Variants in RAD51D observed in about 807,000 individuals in gnomAD.
The protein encoded by RAD51D is DNA repair protein RAD51 homolog 4.
In RAD51D, 38 loss-of-function variants were observed where a neutral mutation model predicts 44.1. That is an observed-to-expected ratio of 0.86 (90% CI 0.67 to 1.13). The LOEUF is 1.13. Ranked by LOEUF, RAD51D falls within the 50% of genes most tolerant of loss-of-function variation. RAD51D has a pLI of 0.00. For missense variants in RAD51D, 390 were observed against 414.0 expected, an observed-to-expected ratio of 0.94 and a Z score of 0.50; for synonymous variants, 141 against 166.6, an observed-to-expected ratio of 0.85 and a Z score of 1.18.
Position 35,119,525 on chromosome 17 carries a change from C to A in RAD51D, c.82+7G>T, listed in dbSNP as rs1567736277. ...CGCGGCTCCCTGGCACGCGCACACC[C>A]GGTCACCTGTCTTGATCCTGTGGCT... On this transcript the variant is annotated splice_region_variant and intron_variant, in intron 1 of 9. Coordinates refer to ENST00000345365, the MANE Select transcript of RAD51D (RefSeq NM_002878.4). 1 of 1,611,218 alleles carries A rather than the reference C, an allele frequency of 6.2e-7. No individual in the cohort carries two copies.
rs2091515199 is a variant in RAD51D at position 35,099,952 on chromosome 17, G to A, written c.*1001C>T. 1 of 526,776 alleles carries A rather than the reference G, an allele frequency of 1.9e-6. No individual in the cohort carries two copies. Among genetic ancestry groups the A allele is most frequent in the Non-Finnish European group, 3.7e-6 (1 of 271,714 alleles). The allele number at this position is 526,776 out of a possible 1,614,324, so 32.6% of individuals were successfully genotyped here. A position where few individuals can be genotyped will look rare whatever the true frequency, so the allele number is the denominator to read the frequency against. ...TGGTACAGCTGGCAGGAAGAGAGGT[G>A]TAATTATATTGCATCTTGGAGCCAC... On this transcript the variant is annotated 3_prime_UTR_variant, in exon 10 of 10. Coordinates refer to ENST00000345365, the MANE Select transcript of RAD51D (RefSeq NM_002878.4).
In RAD51D at chr17:35,114,141, G is replaced by A. The variant is rs533170316; in HGVS notation, c.263+4360C>T. ...CAAAAAATTAGCTGGGCGTGGTGGCGGGCGCCTGTAGTCCCAGCTACTTGG... is the reference window on the plus strand; with the variant it reads ...CAAAAAATTAGCTGGGCGTGGTGGCAGGCGCCTGTAGTCCCAGCTACTTGG... On this transcript the variant is annotated intron_variant, in intron 3 of 9. Coordinates refer to ENST00000345365, the MANE Select transcript of RAD51D (RefSeq NM_002878.4). Among the ~76,000 whole-genome samples, 21 of 152,154 alleles carry A rather than the reference G, an allele frequency of 1.4e-4. No homozygotes were observed. The South Asian group carries it at 3.7e-3, about 27-fold the overall frequency.
chr17:35,097,421 A>ATGTGTATATATATG lies in RAD51D; in HGVS notation c.*3518_*3531dup, dbSNP rs983514696. On this transcript the variant is annotated 3_prime_UTR_variant, in exon 10 of 10. Coordinates refer to ENST00000345365, the MANE Select transcript of RAD51D (RefSeq NM_002878.4). ...GCGTGAGCCACTGCGCCTGGCTCAT[A>ATGTGTATATATATG]TGTGTATATATATGTGTGTATATAT... 2.0e-5 allele frequency: 3 copies of ATGTGTATATATATG among 150,822 alleles called. No individual in the cohort carries two copies. Among genetic ancestry groups the ATGTGTATATATATG allele is most frequent in the Admixed American group, 1.3e-4 (2 of 15,070 alleles). 9.3% of individuals were successfully genotyped at this position (150,822 alleles called of 1,614,324 possible).
intron 3 of RAD51D, among the ~76,000 whole-genome samples, chr17:35,111,755 A>G (rs2091679563): frequency 6.6e-6 from 1 of 152,200 alleles, no homozygotes; most frequent in African/African-American, 2.4e-5. Flanking sequence ...TGTTTTAGCT[A>G]ATCTAGGTAA....
chr17:35,112,594 T>A (rs1597868948), intron 3 of RAD51D, among the ~76,000 whole-genome samples: 1 of 151,994 alleles, frequency 6.6e-6, no homozygotes, highest in Admixed American at 6.6e-5. Flanking sequence ...GCCAGGCTGG[T>A]CTCGAACTCC....
At position 35,097,421 on chromosome 17, in the gene RAD51D, ATGTGTATATATATG is replaced by A. The variant is rs983514696; in HGVS notation, c.*3518_*3531del. Reference sequence around the variant, plus strand: ...GCGTGAGCCACTGCGCCTGGCTCATATGTGTATATATATGTGTGTATATATATGTGTGTATATAT... The same window carrying A: ...GCGTGAGCCACTGCGCCTGGCTCATATGTGTATATATATGTGTGTATATAT... On this transcript the variant is annotated 3_prime_UTR_variant, in exon 10 of 10. Coordinates refer to ENST00000345365, the MANE Select transcript of RAD51D (RefSeq NM_002878.4). 86 of 150,928 alleles carry A rather than the reference ATGTGTATATATATG, an allele frequency of 5.7e-4. No individual in the cohort carries two copies. Among genetic ancestry groups the A allele is most frequent in the Non-Finnish European group, 8.3e-4 (56 of 67,828 alleles). The allele number at this position is 150,928 out of a possible 1,614,324, so 9.3% of individuals were successfully genotyped here. A position where few individuals can be genotyped will look rare whatever the true frequency, so the allele number is the denominator to read the frequency against.
chr17:35,101,134 C>T (rs2091530498), intron 9 of RAD51D, 67 bp downstream of exon 9: 1 of 1,611,638 alleles, frequency 6.2e-7, no homozygotes, highest in Non-Finnish European at 8.5e-7. Flanking sequence ...TTCTCGAAGA[C>T]ATCTGTGGGT....
chr17:35,106,571 C>T (rs1480564537), intron 5 of RAD51D, 90 bp from the exon 6 acceptor site: 2 of 938,024 alleles, frequency 2.1e-6, no homozygotes, highest in African/African-American at 1.6e-5. Context: ...CACCTGGATG[C>T]AAGGACTCAG....
At position 35,101,034 on chromosome 17, in the gene RAD51D, T is replaced by C. The variant is rs2091529212; in HGVS notation, c.906A>G (p.Pro302=). 1 of 1,613,370 alleles carries C rather than the reference T, an allele frequency of 6.2e-7. No homozygotes were observed. Residue 302 remains proline (P), a splice_region_variant and synonymous_variant, in exon 10 of 10, where the codon CCA becomes CCG. Transcript: ENST00000345365. ...TGTCTACCATCTCCTGGAAACCTGT[T>C]GGCTGGAAGAAGAAGTAAGGAGTCA... ...MACLAKSSRQ[P]TGFQEMVDIG...
chr17:35,106,871 T>C, intron 5 of RAD51D, 117 bp downstream of exon 5: 5 of 1,485,846 alleles, frequency 3.4e-6, no homozygotes, highest in Non-Finnish European at 4.7e-6. Context: ...GATGTATTAA[T>C]AGAACAGCAA....
rs1054561870 is a variant in RAD51D, at chr17:35,096,033, G to A, written c.*4920C>T. ...TTAGTTGTCTTTGTATCTCATTTCT[G>A]TTTTCTGACCATAAATGCTTTCAGA... On this transcript the variant is annotated 3_prime_UTR_variant, in exon 10 of 10. Transcript: ENST00000345365. The A allele has an allele frequency of 2.6e-5, 4 of 152,126 alleles. No individual in the cohort carries two copies. Among genetic ancestry groups the A allele is most frequent in the Admixed American group, 2.0e-4 (3 of 15,266 alleles). The allele number at this position is 152,126 out of a possible 1,614,324, so 9.4% of individuals were successfully genotyped here. A position where few individuals can be genotyped will look rare whatever the true frequency, so the allele number is the denominator to read the frequency against.
At position 35,117,045 on chromosome 17, in the gene RAD51D, AT is replaced by A. The variant is rs979233150; in HGVS notation, c.263+1455del. ...TGAGTGCGCCCTCCATGTCTGTTGG[AT>A]TTATAAACTCCCTAAGCCCAAGGCC... On this transcript the variant is annotated intron_variant, in intron 3 of 9. Transcript: ENST00000345365. The A allele has an allele frequency of 8.5e-5, 136 of 1,608,548 alleles. No homozygotes were observed. The highest frequency in any genetic ancestry group is 1.2e-4 in the Non-Finnish European group (136 of 1,176,026).
In RAD51D at chr17:35,115,935, G is replaced by GA. The variant is rs1491008637; in HGVS notation, c.263+2565_263+2566insT. 2.2e-4 allele frequency among the ~76,000 whole-genome samples: 24 copies of GA among 108,568 alleles called. 1 individual carries two copies. The highest frequency in any genetic ancestry group is 8.1e-4 in the African/African-American group (24 of 29,546). 71.2% of individuals were successfully genotyped at this position (108,568 alleles called of 152,430 possible). On this transcript the variant is annotated intron_variant, in intron 3 of 9. Transcript: ENST00000345365. ...AGGAAGGAAGGAAGGAAGGAAGGAAGGAAGAAAGAAAAGGAAGAAAGGAAA... is the reference window on the plus strand; with the variant it reads ...AGGAAGGAAGGAAGGAAGGAAGGAAGAGAAGAAAGAAAAGGAAGAAAGGAAA...
At chr17:35,111,354 CA>C (rs60278898) in intron 3 of RAD51D, among the ~76,000 whole-genome samples, 85,367 of 127,132 alleles carry the variant, frequency 0.67, 27,937 homozygotes, top group African/African-American at 0.84. Context: ...AACTCCATCT[CA>C]AAAAAAAAAA....
intron 3 of RAD51D, among the ~76,000 whole-genome samples, chr17:35,115,470 A>G (rs1276973122): frequency 6.6e-6 from 1 of 152,066 alleles, no homozygotes; most frequent in Non-Finnish European, 1.5e-5. Flanking sequence ...CAACAGAGAA[A>G]CCTGTTTAAT....
In RAD51D at chr17:35,119,404, G is replaced by C. The variant is rs28363258; in HGVS notation, c.82+128C>G. On this transcript the variant is annotated intron_variant, in intron 1 of 9. Coordinates refer to ENST00000345365, the MANE Select transcript of RAD51D (RefSeq NM_002878.4). ...CGCCCACCCTTCCTGAGCCTCTCCA[G>C]AAGCGCGGCCCTCTAGGAATGGAGG... The C allele has an allele frequency of 1.2e-5, 14 of 1,165,590 alleles. No individual in the cohort carries two copies. In the African/African-American group the frequency reaches 1.5e-4, roughly 13 times the overall value. The allele number at this position is 1,165,590 out of a possible 1,614,324, so 72.2% of individuals were successfully genotyped here.
At chr17:35,108,687 A>G (rs971415340) in intron 3 of RAD51D, among the ~76,000 whole-genome samples, 1 of 151,998 alleles carries the variant, frequency 6.6e-6, no homozygotes, top group African/African-American at 2.4e-5. Context: ...TAATCAAGAT[A>G]CAGAACATTT....
intron 4 of RAD51D, 66 bp downstream of exon 4, chr17:35,107,300 G>A (rs1319964340): frequency 1.3e-6 from 2 of 1,485,334 alleles, no homozygotes; most frequent in African/African-American, 1.4e-5. Flanking sequence ...GCTCCCCCAG[G>A]GACCCTGGGC....
In RAD51D at chr17:35,099,384, G is replaced by A; in HGVS notation, c.*1569C>T. Reference sequence around the variant, plus strand: ...CGATTGGTCATGTCTGCTGTGGGCTGAAGATGCCCAAATAGTACCTTGAGT... The same window carrying A: ...CGATTGGTCATGTCTGCTGTGGGCTAAAGATGCCCAAATAGTACCTTGAGT... On this transcript the variant is annotated 3_prime_UTR_variant, in exon 10 of 10. Transcript: ENST00000345365. 5.7e-6 allele frequency: 1 copy of A among 174,922 alleles called. No homozygotes were observed. The highest frequency in any genetic ancestry group is 1.3e-5 in the Non-Finnish European group (1 of 79,738). 10.8% of individuals were successfully genotyped at this position (174,922 alleles called of 1,614,324 possible). A position where few individuals can be genotyped will look rare whatever the true frequency, so the allele number is the denominator to read the frequency against.
Sources: allele counts gnomAD v4.1 joint callset (sites outside exome capture counted in the v4.1 genomes callset), GRCh38; gene constraint gnomAD v4.1.1; transcripts MANE v1.5; gene names NCBI Gene and HGNC (gene_info 2026-07-23, HGNC 2026-07-21).